CACNA1H: variants seen among roughly 807,000 people sequenced by gnomAD.
The protein encoded by CACNA1H is calcium voltage-gated channel subunit alpha1 H, also known as voltage-dependent T-type calcium channel subunit alpha-1H.
Under a neutral mutation model 192.5 loss-of-function variants are expected in CACNA1H, and 149 were observed. The ratio of observed to expected loss-of-function variants is 0.77; its 90% CI spans 0.68 to 0.89. The LOEUF (loss-of-function observed/expected upper bound fraction) is 0.89, where lower values mean the gene tolerates loss of function less well. Among genes scored for constraint, CACNA1H ranks in the 40% least tolerant of loss-of-function variants. The pLI is 0.00. For missense variants in CACNA1H, 4,257 were observed against 3,423.5 expected (o/e 1.24, Z -6.08); for synonymous variants, 2,202 against 1,475.2 (o/e 1.49, Z -11.29).
At chr16:1,181,431 C>G (rs1377923628) in intron 2 of CACNA1H, among the ~76,000 whole-genome samples, 4 of 152,256 alleles carry the variant, frequency 2.6e-5, no homozygotes, top group African/African-American at 4.8e-5. Flanking sequence ...GTCTGGGGGT[C>G]TGCTCCAGTT....
chr16:1,210,257 ACCGCAGGGACCGGGG>A, intron 18 of CACNA1H, 98 bp from the exon 19 acceptor site: 1 of 1,237,034 alleles, frequency 8.1e-7, no homozygotes, highest in Non-Finnish European at 1.1e-6. Context: ...CCCTTCTCAC[ACCGCAGGGACCGGGG>A]CTGAAGTGGA....
chr16:1,178,110 CCCCTCT>C (rs1965089983), intron 2 of CACNA1H, among the ~76,000 whole-genome samples: 1 of 108,964 alleles, frequency 9.2e-6, no homozygotes, highest in African/African-American at 3.6e-5. Context: ...CCTCCCCCGC[CCCCTCT>C]CCCTGGGGAC....
At chr16:1,210,741 A>AC (rs1470764034) in intron 20 of CACNA1H, 46 bp from the exon 21 acceptor site, 5 of 1,588,400 alleles carry the variant, frequency 3.1e-6, no homozygotes, top group African/African-American at 1.3e-5. Flanking sequence ...AGCTCCCCAG[A>AC]CCCCCCACGC....
intron 12 of CACNA1H, 47 bp from the exon 13 acceptor site, chr16:1,206,941 CTTCTTCCGCTCAG>C: frequency 2.1e-6 from 1 of 465,740 alleles, no homozygotes; most frequent in South Asian, 2.8e-5. Flanking sequence ...GCTCCCCCAC[CTTCTTCCGCTCAG>C]CACACCCCTG....
rs911871887 is a variant in CACNA1H, at chr16:1,218,952, G to T, written c.5888-18G>T. 3 of 1,549,290 alleles carry T rather than the reference G, an allele frequency of 1.9e-6. No individual in the cohort carries two copies. Among genetic ancestry groups the T allele is most frequent in the Non-Finnish European group, 1.7e-6 (2 of 1,146,734 alleles). ...AGGCAGGGGCAGAGCTGCCAGCTTA[G>T]ATTCTTCCCTGCCCCAGGCTCCGTT... On this transcript the variant is annotated intron_variant, in intron 33 of 34. Coordinates refer to ENST00000348261, the MANE Select transcript of CACNA1H (RefSeq NM_021098.3).
chr16:1,201,126 C>T (rs1000779619), intron 8 of CACNA1H, among the ~76,000 whole-genome samples: 4 of 152,162 alleles, frequency 2.6e-5, no homozygotes, highest in African/African-American at 9.7e-5. Context: ...TTAGCTGGTC[C>T]TCTCATAGGC....
At chr16:1,215,840 C>T (rs1008839446) in intron 30 of CACNA1H, among the ~76,000 whole-genome samples, 1 of 152,094 alleles carries the variant, frequency 6.6e-6, no homozygotes. Context: ...CGGTGCACTT[C>T]CAGAGGCGGG....
At position 1,207,769 on chromosome 16, in the gene CACNA1H, G is replaced by T; in HGVS notation, c.3064-1G>T. The T allele has an allele frequency of 6.3e-7, 1 of 1,593,060 alleles. No individual in the cohort carries two copies. The highest frequency in any genetic ancestry group is 8.5e-7 in the Non-Finnish European group (1 of 1,170,426). ...CCTGCCTTGTGCTTTGTTGGGTTTA[G>T]GGCGATGCCAACAGATCCGACACGG... On this transcript the variant is annotated splice_acceptor_variant, in intron 14 of 34. Coordinates refer to ENST00000348261, the MANE Select transcript of CACNA1H (RefSeq NM_021098.3). LOFTEE classifies it high-confidence loss of function.
Position 1,211,747 on chromosome 16 carries a change from A to C in CACNA1H, c.4508A>C (p.Lys1503Thr). The C allele has an allele frequency of 6.2e-7, 1 of 1,612,672 alleles. No individual in the cohort carries two copies. Among genetic ancestry groups the C allele is most frequent in the Non-Finnish European group, 8.5e-7 (1 of 1,179,706 alleles). ...ATGTCGCTGTTCGTGCTGTCATCCA[A>C]GGATGGATGGGTGAACATCATGTAC... is the stretch of plus-strand genomic sequence containing the variant. ...ALMSLFVLSS[K>T]DGWVNIMYDG... Residue 1503 changes from lysine (K) to threonine (T), a missense_variant, in exon 24 of 35, where the codon AAG becomes ACG. Transcript: ENST00000348261.
At chr16:1,169,695 G>C (rs1312241263) in intron 2 of CACNA1H, among the ~76,000 whole-genome samples, 3 of 152,240 alleles carry the variant, frequency 2.0e-5, no homozygotes, top group African/African-American at 7.2e-5. Context: ...GCCGCTGGGG[G>C]CAGCTGACAC....
intron 2 of CACNA1H, among the ~76,000 whole-genome samples, chr16:1,163,311 G>T (rs1963416949): frequency 6.6e-6 from 1 of 152,238 alleles, no homozygotes; most frequent in South Asian, 2.1e-4. Flanking sequence ...CCCAGTTGGA[G>T]CAGGGCCTGG....
chr16:1,203,787 G>C (rs1968299217), intron 9 of CACNA1H, among the ~76,000 whole-genome samples: 1 of 152,128 alleles, frequency 6.6e-6, no homozygotes, highest in African/African-American at 2.4e-5. Flanking sequence ...CGTGGCTCAG[G>C]GCCCTCCCTA....
chr16:1,220,064 C>G lies in CACNA1H; in HGVS notation c.6132C>G (p.Thr2044=). 1 of 1,434,118 alleles carries G rather than the reference C, an allele frequency of 7.0e-7. No homozygotes were observed. The highest frequency in any genetic ancestry group is 9.1e-7 in the Non-Finnish European group (1 of 1,095,678). The allele number at this position is 1,434,118 out of a possible 1,614,324, so 88.8% of individuals were successfully genotyped here. Residue 2044 remains threonine (T), a synonymous_variant, in exon 35 of 35, where the codon ACC becomes ACG. Coordinates refer to ENST00000348261, the MANE Select transcript of CACNA1H (RefSeq NM_021098.3). ...ATCCTGCAGAGCCTGGTGAGAAAAC[C>G]CCGGTGAGGCCGGTGACCCAGGGGG... ...TLDPAEPGEK[T]PVRPVTQGGS...
chr16:1,209,360 G>A lies in CACNA1H; in HGVS notation c.3692G>A (p.Arg1231His), dbSNP rs375021293. The A allele has an allele frequency of 2.6e-5, 42 of 1,597,856 alleles. No homozygotes were observed. Among genetic ancestry groups the A allele is most frequent in the African/African-American group, 5.3e-5 (4 of 74,912 alleles). ...GCCCTGCCCAGCGACTTCTTCCTGC[G>A]CATCGACAGCCACCGTGAGGATGCA... The part of the protein sequence containing the change: ...VVALPSDFFL[R>H]IDSHREDAAE... The change falls in exon 17 of 35, where the codon CGC becomes CAC. Residue 1231 changes from arginine (R) to histidine (H), a missense_variant. Arg to His is a conservative substitution (Grantham distance 29). Transcript: ENST00000348261.
intron 2 of CACNA1H, among the ~76,000 whole-genome samples, chr16:1,172,850 C>T (rs1479469945): frequency 3.9e-5 from 6 of 152,062 alleles, no homozygotes; most frequent in Non-Finnish European, 7.4e-5. Context: ...TTTGCTCCTC[C>T]GAGGCGGGGC....
chr16:1,176,563 T>C (rs918988434), intron 2 of CACNA1H, among the ~76,000 whole-genome samples: 1 of 152,150 alleles, frequency 6.6e-6, no homozygotes, highest in African/African-American at 2.4e-5. Flanking sequence ...TGGGCTGCTG[T>C]GGGGATTCCG....
intron 21 of CACNA1H, 71 bp from the exon 22 acceptor site, chr16:1,211,097 T>G: frequency 6.3e-7 from 1 of 1,584,456 alleles, no homozygotes; most frequent in Non-Finnish European, 8.6e-7. Flanking sequence ...CTTGGGACCT[T>G]TGCTGAGCTC....
Position 1,195,658 on chromosome 16 carries a change from A to G in CACNA1H, c.545+93A>G, listed in dbSNP as rs527682250. 6 of 1,409,586 alleles carry G rather than the reference A, an allele frequency of 4.3e-6. No individual in the cohort carries two copies. The African/African-American group carries it at 4.3e-5, about 10-fold the overall frequency. 87.3% of individuals were successfully genotyped at this position (1,409,586 alleles called of 1,614,324 possible). On this transcript the variant is annotated intron_variant, in intron 4 of 34. Transcript: ENST00000348261. The stretch of plus-strand genomic sequence containing the variant: ...TGTCCCACCTGTAAAGAAAAATGGG[A>G]GGTGTGTTCTAGAGGGATCCAGGTA...
chr16:1,184,113 G>A (rs1214853036), intron 2 of CACNA1H, among the ~76,000 whole-genome samples: 1 of 152,208 alleles, frequency 6.6e-6, no homozygotes, highest in African/African-American at 2.4e-5. Context: ...ACAGGGTGTA[G>A]GCGGGACTGC....
Sources: gnomAD v4.1 joint callset for allele counts (sites outside exome capture counted in the v4.1 genomes callset) on GRCh38, gnomAD v4.1.1 for gene constraint, MANE v1.5 for transcripts, NCBI Gene and HGNC (gene_info 2026-07-23, HGNC 2026-07-21) for gene names.